The following EPHA6 variants were observed in gnomAD, a reference collection of about 807,000 sequenced individuals.
EPHA6 encodes the protein EPH receptor A6.
Under a neutral mutation model 112.0 loss-of-function variants are expected in EPHA6, and 50 were observed. That is an observed-to-expected ratio of 0.45 (90% CI 0.36 to 0.56). EPHA6 has a LOEUF of 0.56. Among genes scored for constraint, EPHA6 ranks in the 20% least tolerant of loss-of-function variants. The pLI is 0.00. For missense variants in EPHA6, 1,280 were observed against 1,417.4 expected, an observed-to-expected ratio of 0.90 and a Z score of 1.56; for synonymous variants, 529 against 490.7, an observed-to-expected ratio of 1.08 and a Z score of -1.03.
intron 9 of EPHA6, among the ~76,000 whole-genome samples, chr3:97,482,626 C>T (rs1044914197): frequency 6.6e-6 from 1 of 152,180 alleles, no homozygotes; most frequent in Non-Finnish European, 1.5e-5. Flanking sequence ...ACTAAGGAAG[C>T]AAATTGCTGC....
At chr3:97,640,395 G>C (rs896507828) in intron 14 of EPHA6, among the ~76,000 whole-genome samples, 12 of 152,148 alleles carry the variant, frequency 7.9e-5, no homozygotes, top group Non-Finnish European at 1.2e-4. Context: ...GAAATTTGAA[G>C]GTTTTTGTAT....
intron 3 of EPHA6, among the ~76,000 whole-genome samples, chr3:97,204,922 G>C (rs1454476196): frequency 6.6e-6 from 1 of 152,078 alleles, no homozygotes; most frequent in Non-Finnish European, 1.5e-5. Context: ...AAGGGATAAA[G>C]GGAGAAGGGG....
At chr3:97,685,532 G>A (rs1242508624) in intron 14 of EPHA6, among the ~76,000 whole-genome samples, 1 of 152,096 alleles carries the variant, frequency 6.6e-6, no homozygotes, top group Non-Finnish European at 1.5e-5. Context: ...ATAATGTAGA[G>A]ACTTAGTATG....
At chr3:97,422,075 A>G (rs1413225032) in intron 6 of EPHA6, among the ~76,000 whole-genome samples, 1 of 151,366 alleles carries the variant, frequency 6.6e-6, no homozygotes, top group South Asian at 2.1e-4. Context: ...AATGAAATGC[A>G]TATTCTTACC....
chr3:97,604,977 A>G (rs2093669895), intron 12 of EPHA6, among the ~76,000 whole-genome samples: 1 of 151,538 alleles, frequency 6.6e-6, no homozygotes, highest in Non-Finnish European at 1.5e-5. Context: ...TAGTGACCTT[A>G]TAGAGAAGAA....
chr3:96,865,404 A>T (rs2107448582), intron 1 of EPHA6, among the ~76,000 whole-genome samples: 1 of 152,146 alleles, frequency 6.6e-6, no homozygotes, highest in Non-Finnish European at 1.5e-5. Context: ...ACCCCCAGCC[A>T]GGTGCCTTGG....
intron 3 of EPHA6, among the ~76,000 whole-genome samples, chr3:97,100,505 CAGAG>C (rs1249166042): frequency 6.6e-6 from 1 of 151,696 alleles, no homozygotes; most frequent in Non-Finnish European, 1.5e-5. Flanking sequence ...TAAACAAAAT[CAGAG>C]AGGCTAATTT....
Position 97,622,467 on chromosome 3 carries a change from T to C in EPHA6, c.2574+11613T>C, listed in dbSNP as rs537686563. The stretch of plus-strand genomic sequence containing the variant: ...GATAAATGATATTCCCTTGTATGTA[T>C]ATGCCACATTTTGCTTATCCATTCA... On this transcript the variant is annotated intron_variant, in intron 13 of 17. Coordinates refer to ENST00000389672, the MANE Select transcript of EPHA6 (RefSeq NM_001080448.3). 3.9e-5 allele frequency among the ~76,000 whole-genome samples: 6 copies of C among 151,972 alleles called. No individual in the cohort carries two copies. In the East Asian group the frequency reaches 7.8e-4, roughly 20 times the overall value.
chr3:97,341,611 C>T (rs2083307032), intron 5 of EPHA6, among the ~76,000 whole-genome samples: 1 of 151,964 alleles, frequency 6.6e-6, no homozygotes. Flanking sequence ...CCTCGGGCTC[C>T]CAAAGAGCTG....
chr3:97,389,323 T>C (rs1303864151), intron 5 of EPHA6, among the ~76,000 whole-genome samples: 2 of 152,182 alleles, frequency 1.3e-5, no homozygotes, highest in Non-Finnish European at 1.5e-5. Context: ...CTGAATATAG[T>C]TGATATGGTC....
chr3:97,116,050 T>C (rs2047878013), intron 3 of EPHA6, among the ~76,000 whole-genome samples: 1 of 151,738 alleles, frequency 6.6e-6, no homozygotes, highest in South Asian at 2.1e-4. Flanking sequence ...TTAATTTCCT[T>C]TAATACCTAA....
intron 2 of EPHA6, among the ~76,000 whole-genome samples, chr3:96,920,969 T>C (rs566543877): frequency 6.6e-6 from 1 of 152,214 alleles, no homozygotes; most frequent in Admixed American, 6.5e-5. Flanking sequence ...CCCTACAAGT[T>C]ATCTTTGCCC....
intron 3 of EPHA6, among the ~76,000 whole-genome samples, chr3:97,187,107 C>G (rs1255558480): frequency 1.3e-5 from 2 of 152,094 alleles, no homozygotes; most frequent in African/African-American, 4.8e-5. Flanking sequence ...TTACAACAAC[C>G]AAATTTTATT....
chr3:96,924,148 A>G (rs1302720700), intron 2 of EPHA6, among the ~76,000 whole-genome samples: 4 of 152,132 alleles, frequency 2.6e-5, no homozygotes. Context: ...GTAGTTTTAA[A>G]AAATAGTTTT....
chr3:96,899,062 A>G (rs1262167345), intron 2 of EPHA6, among the ~76,000 whole-genome samples: 1 of 151,930 alleles, frequency 6.6e-6, no homozygotes, highest in Non-Finnish European at 1.5e-5. Context: ...ACAAAAAAAA[A>G]ACAGGAATTT....
At chr3:97,679,014 C>A (rs2031640859) in intron 14 of EPHA6, among the ~76,000 whole-genome samples, 1 of 152,078 alleles carries the variant, frequency 6.6e-6, no homozygotes, top group Admixed American at 6.6e-5. Context: ...GTTATTTCTG[C>A]CATCTTAGTT....
intron 3 of EPHA6, among the ~76,000 whole-genome samples, chr3:97,006,409 A>G (rs866804875): frequency 3.9e-5 from 6 of 152,066 alleles, no homozygotes; most frequent in African/African-American, 1.4e-4. Flanking sequence ...TGTTTATAGT[A>G]TTCTCCAATG....
chr3:97,288,093 T>C (rs902106200), intron 5 of EPHA6, among the ~76,000 whole-genome samples: 8 of 151,946 alleles, frequency 5.3e-5, no homozygotes, highest in Non-Finnish European at 8.8e-5. Context: ...AAGAAAGAAA[T>C]TTAATTTTCA....
chr3:97,097,355 T>C (rs1203577342), intron 3 of EPHA6, among the ~76,000 whole-genome samples: 1 of 151,844 alleles, frequency 6.6e-6, no homozygotes, highest in East Asian at 1.9e-4. Context: ...CTAACAGACA[T>C]AATCAGTTAT....
Sources: allele counts gnomAD v4.1 joint callset (sites outside exome capture counted in the v4.1 genomes callset), GRCh38; gene constraint gnomAD v4.1.1; transcripts MANE v1.5; gene names NCBI Gene and HGNC (gene_info 2026-07-23, HGNC 2026-07-21).